The following SPMIP2 variants were observed in gnomAD, a reference collection of about 807,000 sequenced individuals.
SPMIP2 encodes the protein protein SPMIP2.
At chr4:158,966,374 C>T in the SPMIP2 span, among the ~76,000 whole-genome samples, 2 of 152,190 alleles carry the variant, frequency 1.3e-5, no homozygotes, top group Admixed American at 6.5e-5. Flanking sequence ...CTCCAGTGAT[C>T]TTAAAAAGAC....
chr4:159,003,578 C>T, the SPMIP2 span, among the ~76,000 whole-genome samples: 18 of 152,046 alleles, frequency 1.2e-4, no homozygotes, highest in African/African-American at 3.4e-4. Context: ...TACAGTACGG[C>T]GCCTCAGATA....
At chr4:158,906,362 A>G in the SPMIP2 span, 1 of 152,172 alleles carries the variant, frequency 6.6e-6, no homozygotes, top group Non-Finnish European at 1.5e-5. Flanking sequence ...TCTTGTTTAC[A>G]TGTTTTGGGC....
At chr4:158,993,128 A>C in the SPMIP2 span, among the ~76,000 whole-genome samples, 2 of 152,154 alleles carry the variant, frequency 1.3e-5, no homozygotes, top group Non-Finnish European at 2.9e-5. Flanking sequence ...TGGAAGGCTA[A>C]GAAGGGAGGA....
chr4:158,937,828 T>G, the SPMIP2 span, among the ~76,000 whole-genome samples: 2 of 152,238 alleles, frequency 1.3e-5, no homozygotes, highest in Middle Eastern at 3.2e-3. Flanking sequence ...CGGCTATACC[T>G]GTGCATGAGT....
At chr4:158,967,680 T>C in the SPMIP2 span, among the ~76,000 whole-genome samples, 10 of 152,208 alleles carry the variant, frequency 6.6e-5, no homozygotes, top group African/African-American at 9.6e-5. Context: ...TTATGATTGC[T>C]CTAGATGAAC....
the SPMIP2 span, among the ~76,000 whole-genome samples, chr4:158,979,307 C>T: frequency 3.9e-5 from 6 of 152,136 alleles, no homozygotes; most frequent in Admixed American, 2.0e-4. Flanking sequence ...GGGTGGGATC[C>T]GATGAGCCAG....
chr4:159,077,561 C>T, the SPMIP2 span, among the ~76,000 whole-genome samples: 694 of 152,276 alleles, frequency 4.6e-3, 6 homozygotes, highest in African/African-American at 0.015. Flanking sequence ...AAATTACTCT[C>T]ATTATTTAAT....
the SPMIP2 span, among the ~76,000 whole-genome samples, chr4:159,011,646 G>A: frequency 5.1e-4 from 77 of 152,022 alleles, no homozygotes; most frequent in African/African-American, 1.8e-3. Flanking sequence ...CCCAGCTACA[G>A]GGGAGGCTGA....
the SPMIP2 span, among the ~76,000 whole-genome samples, chr4:159,011,879 G>A: frequency 2.5e-3 from 384 of 152,014 alleles, 2 homozygotes; most frequent in African/African-American, 9.0e-3. Flanking sequence ...GGCCAACATG[G>A]TGAAACCCCG....
the SPMIP2 span, among the ~76,000 whole-genome samples, chr4:158,925,096 C>A: frequency 4.7e-4 from 71 of 152,192 alleles, no homozygotes; most frequent in African/African-American, 1.7e-3. Context: ...TTTCTGGAAA[C>A]AGTTTGTGAA....
chr4:158,946,580 C>T, the SPMIP2 span, among the ~76,000 whole-genome samples: 1 of 152,156 alleles, frequency 6.6e-6, no homozygotes, highest in Non-Finnish European at 1.5e-5. Context: ...CGCCTTCTGC[C>T]ACAATTGTAA....
At chr4:158,999,688 A>G in the SPMIP2 span, among the ~76,000 whole-genome samples, 7 of 152,246 alleles carry the variant, frequency 4.6e-5, no homozygotes, top group African/African-American at 1.7e-4. Flanking sequence ...AGACTGAAAT[A>G]AAGTGACTCC....
At chr4:159,075,151 C>T in the SPMIP2 span, among the ~76,000 whole-genome samples, 1 of 152,184 alleles carries the variant, frequency 6.6e-6, no homozygotes, top group Admixed American at 6.5e-5. Flanking sequence ...TATAGGTCAG[C>T]CTACCAGTGC....
chr4:159,020,164 T>C, the SPMIP2 span, among the ~76,000 whole-genome samples: 1 of 152,314 alleles, frequency 6.6e-6, no homozygotes, highest in Non-Finnish European at 1.5e-5. Context: ...GGTAGCAATT[T>C]TTAATAATGT....
the SPMIP2 span, among the ~76,000 whole-genome samples, chr4:158,960,793 A>G: frequency 6.6e-6 from 1 of 152,150 alleles, no homozygotes; most frequent in Admixed American, 6.5e-5. Flanking sequence ...ACTGTGGTAA[A>G]GTGTAGATTT....
chr4:159,081,583 TCGGAGG>T, the SPMIP2 span, among the ~76,000 whole-genome samples: 1 of 151,776 alleles, frequency 6.6e-6, no homozygotes, highest in Non-Finnish European at 1.5e-5. Context: ...CCTAGCTACT[TCGGAGG>T]CTGAGATGAG....
chr4:159,066,666 C>T, the SPMIP2 span, among the ~76,000 whole-genome samples: 2 of 149,724 alleles, frequency 1.3e-5, no homozygotes, highest in African/African-American at 4.9e-5. Context: ...TTCTCATTAA[C>T]ACTTGAAGTC....
chr4:158,948,307 A>G, the SPMIP2 span, among the ~76,000 whole-genome samples: 1 of 152,094 alleles, frequency 6.6e-6, no homozygotes, highest in Non-Finnish European at 1.5e-5. Flanking sequence ...GGGGGAAAAA[A>G]AGCTTGGAGG....
chr4:158,995,312 T>C, the SPMIP2 span, among the ~76,000 whole-genome samples: 1 of 152,228 alleles, frequency 6.6e-6, no homozygotes, highest in Non-Finnish European at 1.5e-5. Flanking sequence ...CTTCCAATAA[T>C]AAACTCGTGG....
Sources: allele counts gnomAD v4.1 joint callset (sites outside exome capture counted in the v4.1 genomes callset), GRCh38; gene constraint gnomAD v4.1.1; transcripts MANE v1.5; gene names NCBI Gene and HGNC (gene_info 2026-07-23, HGNC 2026-07-21).